The following STIM2 variants were observed in gnomAD, a reference collection of about 807,000 sequenced individuals.
STIM2 encodes the protein stromal interaction molecule 2.
Under a neutral mutation model 85.8 loss-of-function variants are expected in STIM2, and 31 were observed. That is an observed-to-expected ratio of 0.36 (90% CI 0.27 to 0.49). The LOEUF (loss-of-function observed/expected upper bound fraction) is 0.49, where lower values mean the gene tolerates loss of function less well. STIM2 is among the 20% of genes least tolerant of loss of function. The pLI, the probability that STIM2 is intolerant of heterozygous loss-of-function variation, is 0.98. For missense variants in STIM2, 841 were observed against 927.6 expected, an observed-to-expected ratio of 0.91 and a Z score of 1.21; for synonymous variants, 356 against 331.1, an observed-to-expected ratio of 1.08 and a Z score of -0.82.
At chr4:26,865,393 A>C (rs564920559) in intron 1 of STIM2, among the ~76,000 whole-genome samples, 197 of 152,286 alleles carry the variant, frequency 1.3e-3, no homozygotes, top group African/African-American at 4.6e-3. Context: ...GGCCAGTTAG[A>C]AAAGTGGATC....
chr4:26,868,953 G>A (rs1722505792), intron 1 of STIM2, among the ~76,000 whole-genome samples: 1 of 152,062 alleles, frequency 6.6e-6, no homozygotes, highest in Admixed American at 6.5e-5. Context: ...GGTACCCCTG[G>A]CTATTTTTGA....
At chr4:26,932,484 C>G (rs1313426281) in intron 2 of STIM2, among the ~76,000 whole-genome samples, 3 of 152,062 alleles carry the variant, frequency 2.0e-5, no homozygotes, top group African/African-American at 7.3e-5. Flanking sequence ...AGCATCTGAT[C>G]AAAGATAAAG....
At chr4:26,908,339 A>G (rs1001962714) in intron 1 of STIM2, among the ~76,000 whole-genome samples, 1 of 152,234 alleles carries the variant, frequency 6.6e-6, no homozygotes, top group Non-Finnish European at 1.5e-5. Context: ...CTGAATTTCA[A>G]CAAAACAGTT....
rs894891193 is a variant in STIM2 at position 26,986,781 on chromosome 4, A to C, written c.398-8598A>C. Among the ~76,000 whole-genome samples the C allele has an allele frequency of 2.0e-5, 3 of 152,244 alleles. No homozygotes were observed. The South Asian group carries it at 6.2e-4, about 31-fold the overall frequency. ...AGACAGTATTATTTATCTTTCACAC[A>C]ATTATGGGATAGCAAATTGATAATT... On this transcript the variant is annotated intron_variant, in intron 3 of 11. Transcript: ENST00000467087.
intron 3 of STIM2, among the ~76,000 whole-genome samples, chr4:26,971,330 C>T (rs1726940132): frequency 6.6e-6 from 1 of 152,088 alleles, no homozygotes; most frequent in African/African-American, 2.4e-5. Context: ...TGCCTATGTC[C>T]TGAATGGTAT....
chr4:26,920,533 GT>G (rs1724757214), intron 2 of STIM2, among the ~76,000 whole-genome samples: 1 of 152,026 alleles, frequency 6.6e-6, no homozygotes, highest in Admixed American at 6.6e-5. Flanking sequence ...ATTTGTCACT[GT>G]TGAATTGCTT....
At chr4:27,021,259 G>T in intron 11 of STIM2, 1 of 547,118 alleles carries the variant, frequency 1.8e-6, no homozygotes, top group Non-Finnish European at 3.2e-6. Context: ...CTGGGATTCT[G>T]CCTATAAACA....
intron 2 of STIM2, among the ~76,000 whole-genome samples, chr4:26,944,857 T>G (rs1341883481): frequency 1.3e-5 from 2 of 152,356 alleles, no homozygotes; most frequent in East Asian, 3.9e-4. Flanking sequence ...CAATAAAGAT[T>G]TTCAAATCTA....
intron 10 of STIM2, among the ~76,000 whole-genome samples, chr4:27,014,044 G>A (rs1170053606): frequency 6.6e-6 from 1 of 151,852 alleles, no homozygotes; most frequent in East Asian, 1.9e-4. Flanking sequence ...TTTATATGAT[G>A]TAAAAAATCT....
At chr4:26,891,272 C>T (rs1723467117) in intron 1 of STIM2, among the ~76,000 whole-genome samples, 1 of 152,110 alleles carries the variant, frequency 6.6e-6, no homozygotes, top group South Asian at 2.1e-4. Flanking sequence ...CTTATCCAAT[C>T]AGTTGAAGGC....
chr4:26,981,679 A>G (rs1308081037), intron 3 of STIM2, among the ~76,000 whole-genome samples: 1 of 152,204 alleles, frequency 6.6e-6, no homozygotes. Context: ...AAAATTCCAT[A>G]ATACTGCCTG....
chr4:26,965,996 T>C (rs1170394166), intron 3 of STIM2, among the ~76,000 whole-genome samples: 3 of 152,156 alleles, frequency 2.0e-5, no homozygotes, highest in Non-Finnish European at 2.9e-5. Context: ...GCTTTTCTTA[T>C]GATTTAAGGA....
At chr4:27,005,540 A>G (rs975276930) in intron 7 of STIM2, among the ~76,000 whole-genome samples, 4 of 152,222 alleles carry the variant, frequency 2.6e-5, no homozygotes, top group Non-Finnish European at 5.9e-5. Context: ...ATTACATTTT[A>G]AACAGTTATT....
At position 26,914,097 on chromosome 4, in the gene STIM2, C is replaced by A. The variant is rs528325899; in HGVS notation, c.152-5407C>A. 5.9e-5 allele frequency among the ~76,000 whole-genome samples: 9 copies of A among 152,286 alleles called. 1 individual carries two copies. The South Asian group carries it at 1.9e-3, about 32-fold the overall frequency. On this transcript the variant is annotated intron_variant, in intron 1 of 11. Coordinates refer to ENST00000467087, the MANE Select transcript of STIM2 (RefSeq NM_020860.4). ...CAATGGAGGAAACTGCAAGTTAGGG[C>A]TTTCAGTGAATAATTTATTAATGTT...
intron 3 of STIM2, among the ~76,000 whole-genome samples, chr4:26,967,901 C>T (rs573182131): frequency 6.6e-5 from 10 of 152,044 alleles, no homozygotes; most frequent in South Asian, 4.2e-4. Flanking sequence ...ATATGATATA[C>T]GTGAAAAAAC....
At chr4:26,866,321 G>T (rs781540323) in intron 1 of STIM2, among the ~76,000 whole-genome samples, 10 of 152,226 alleles carry the variant, frequency 6.6e-5, no homozygotes, top group Non-Finnish European at 1.3e-4. Context: ...GGTTGACCAG[G>T]GTTTCTCTGG....
chr4:26,885,821 T>TTATATATATATATATATATATA (rs56851120), intron 1 of STIM2, among the ~76,000 whole-genome samples: 6 of 84,640 alleles, frequency 7.1e-5, no homozygotes, highest in Non-Finnish European at 1.6e-4. Flanking sequence ...GCACCTCAGG[T>TTATATATATATATATATATATA]TATATATATA....
rs148070995 is a variant in STIM2 at position 27,003,305 on chromosome 4, A to G, written c.981+201A>G. 1.8e-3 allele frequency among the ~76,000 whole-genome samples: 278 copies of G among 152,324 alleles called. 4 individuals are homozygous for G. Among genetic ancestry groups the G allele is most frequent in the African/African-American group, 6.5e-3 (269 of 41,584 alleles). ...CAGTAGTAACTGAAAGATAGTTACC[A>G]TCATGTTCACTCATTCATGAAATCT... On this transcript the variant is annotated intron_variant, in intron 7 of 11. Coordinates refer to ENST00000467087, the MANE Select transcript of STIM2 (RefSeq NM_020860.4).
At chr4:27,001,475 T>A (rs1307140976) in intron 5 of STIM2, among the ~76,000 whole-genome samples, 1 of 152,230 alleles carries the variant, frequency 6.6e-6, no homozygotes, top group Non-Finnish European at 1.5e-5. Flanking sequence ...TTGTTATTAC[T>A]ATTTAACCCA....
Sources: gnomAD v4.1 joint callset for allele counts (sites outside exome capture counted in the v4.1 genomes callset) on GRCh38, gnomAD v4.1.1 for gene constraint, MANE v1.5 for transcripts, NCBI Gene and HGNC (gene_info 2026-07-23, HGNC 2026-07-21) for gene names.